Variants in AMZ1 observed in about 807,000 individuals in gnomAD.
AMZ1 encodes the protein archaelysin family metallopeptidase 1, also known as archaemetzincin-1.
A neutral mutation model predicts 29.9 loss-of-function variants in AMZ1; 39 were observed. The ratio of observed to expected loss-of-function variants is 1.30; its 90% CI spans 1.01 to 1.70. The LOEUF (loss-of-function observed/expected upper bound fraction) is 1.70. Among genes scored for constraint, AMZ1 ranks in the 40% most tolerant of loss-of-function variants. The pLI, the probability that AMZ1 is intolerant of heterozygous loss-of-function variation, is 0.00. For missense variants in AMZ1, 1,041 were observed against 680.6 expected, an observed-to-expected ratio of 1.53 and a Z score of -5.89; for synonymous variants, 458 against 304.0, an observed-to-expected ratio of 1.51 and a Z score of -5.27.
chr7:2,745,510 C>G (rs1268308303), intron 4 of AMZ1, among the ~76,000 whole-genome samples: 3 of 152,188 alleles, frequency 2.0e-5, no homozygotes, highest in African/African-American at 7.2e-5. Flanking sequence ...AAAAGAACTC[C>G]TGAAGGAAGT....
chr7:2,749,429 C>T (rs1050191780), intron 4 of AMZ1, among the ~76,000 whole-genome samples: 4 of 150,674 alleles, frequency 2.7e-5, no homozygotes, highest in African/African-American at 9.8e-5. Context: ...CCAAACACCC[C>T]ATGTTCTCAC....
At chr7:2,742,774 T>C (rs1416903798) in intron 4 of AMZ1, among the ~76,000 whole-genome samples, 1 of 152,252 alleles carries the variant, frequency 6.6e-6, no homozygotes, top group Non-Finnish European at 1.5e-5. Context: ...TTCTCAGGTA[T>C]GTAATCTTTT....
chr7:2,746,696 C>CA (rs1790778783), intron 4 of AMZ1, among the ~76,000 whole-genome samples: 1 of 151,878 alleles, frequency 6.6e-6, no homozygotes. Flanking sequence ...AATAGAGACA[C>CA]AAAAAACCCT....
At chr7:2,722,621 T>C (rs55776032), downstream of AMZ1, among the ~76,000 whole-genome samples, 16,216 of 152,292 alleles carry the variant, frequency 0.11, 1,000 homozygotes, top group Middle Eastern at 0.18. Context: ...CAAAAGGTAA[T>C]TTTTTGAGAT....
chr7:2,739,425 C>T (rs911437597), intron 4 of AMZ1, among the ~76,000 whole-genome samples: 7 of 152,114 alleles, frequency 4.6e-5, no homozygotes, highest in African/African-American at 1.7e-4. Context: ...GCGGCATTTC[C>T]GAGGCTCGCC....
At chr7:2,729,228 G>A (rs1789760901) in intron 4 of AMZ1, 1 of 152,378 alleles carries the variant, frequency 6.6e-6, no homozygotes, top group Admixed American at 6.5e-5. Context: ...CACAGCGAAA[G>A]CTGACCCAGA....
At chr7:2,764,331 T>C (rs1266307277), upstream of AMZ1, among the ~76,000 whole-genome samples, 2 of 151,446 alleles carry the variant, frequency 1.3e-5, no homozygotes, top group Non-Finnish European at 2.9e-5. Flanking sequence ...GATCCTCCCA[T>C]CTCAGCCTCC....
At position 2,715,585 on chromosome 7, in the gene AMZ1, A is replaced by G. The variant is rs1462557536; in HGVS notation, c.*2707A>G. ...GGGAAGGAGCAAACCACTAAAAAAAACTCCTTTTATCCGCAGCGTTTACCA... is the reference window on the plus strand; with the variant it reads ...GGGAAGGAGCAAACCACTAAAAAAAGCTCCTTTTATCCGCAGCGTTTACCA... On this transcript the variant is annotated 3_prime_UTR_variant, in exon 7 of 7. Coordinates refer to ENST00000683327, the MANE Select transcript of AMZ1 (RefSeq NM_001384743.1). 6.6e-6 allele frequency: 1 copy of G among 152,124 alleles called. No homozygotes were observed. The highest frequency in any genetic ancestry group is 1.9e-4 in the East Asian group (1 of 5,194). The allele number at this position is 152,124 out of a possible 1,614,324, so 9.4% of individuals were successfully genotyped here. A position where few individuals can be genotyped will look rare whatever the true frequency, so the allele number is the denominator to read the frequency against.
chr7:2,684,924 C>T (rs1310618898), upstream of AMZ1, among the ~76,000 whole-genome samples: 3 of 147,326 alleles, frequency 2.0e-5, no homozygotes, highest in Admixed American at 1.4e-4. Flanking sequence ...GGCTGGAGTG[C>T]AGTGGCGCGA....
chr7:2,680,304 G>A (rs1233237758), intron 1 of AMZ1, among the ~76,000 whole-genome samples: 1 of 152,112 alleles, frequency 6.6e-6, no homozygotes, highest in Non-Finnish European at 1.5e-5. Flanking sequence ...TCGGCTCTCT[G>A]GGGACCTGCC....
chr7:2,735,209 AG>A lies in AMZ1; in HGVS notation n.550+25394del, dbSNP rs528210967. ...CCTGGGCCTCGGGAGGTGCCACGCAAGCCCAAGAAGCATCAGCATACTGTCC... is the reference window on the plus strand; with the variant it reads ...CCTGGGCCTCGGGAGGTGCCACGCAACCCAAGAAGCATCAGCATACTGTCC... On this transcript the variant is annotated intron_variant and non_coding_transcript_variant, in intron 4 of 4. Coordinates refer to the AMZ1 transcript ENST00000489665. 3.4e-3 allele frequency among the ~76,000 whole-genome samples: 521 copies of A among 152,258 alleles called. 4 individuals are homozygous for A. The highest frequency in any genetic ancestry group is 4.9e-3 in the Non-Finnish European group (334 of 68,014).
At chr7:2,722,802 A>G (rs561837507), downstream of AMZ1, among the ~76,000 whole-genome samples, 7 of 152,202 alleles carry the variant, frequency 4.6e-5, no homozygotes, top group South Asian at 1.5e-3. Flanking sequence ...GTGAGACTCC[A>G]TCTCTATACA....
At position 2,758,480 on chromosome 7, in the gene AMZ1, G is replaced by A. The variant is rs1199765397; in HGVS notation, n.551-6232G>A. 5.3e-5 allele frequency among the ~76,000 whole-genome samples: 8 copies of A among 152,246 alleles called. No homozygotes were observed. In the East Asian group the frequency reaches 1.2e-3, roughly 22 times the overall value. On this transcript the variant is annotated intron_variant and non_coding_transcript_variant, in intron 4 of 4. Transcript: ENST00000489665. ...CGAGCCTCAATGACACACGCCCTGT[G>A]CAATTTCTTCCCCTGCAGCGTGGGA...
At chr7:2,763,882 G>C (rs996059224), upstream of AMZ1, among the ~76,000 whole-genome samples, 3 of 152,222 alleles carry the variant, frequency 2.0e-5, no homozygotes, top group Non-Finnish European at 4.4e-5. Flanking sequence ...GAGACGGAGA[G>C]AGAAGGAGCT....
chr7:2,734,170 C>T (rs1232778855), intron 4 of AMZ1, among the ~76,000 whole-genome samples: 1 of 152,326 alleles, frequency 6.6e-6, no homozygotes, highest in South Asian at 2.1e-4. Context: ...CGGAATCACC[C>T]AGGACCCCGT....
intron 4 of AMZ1, chr7:2,730,002 G>A (rs1036325434): frequency 2.0e-5 from 3 of 152,362 alleles, no homozygotes; most frequent in African/African-American, 7.2e-5. Flanking sequence ...ATAGAAGCGA[G>A]GGGCCTCGAT....
At chr7:2,707,330 G>T (rs1788418228) in intron 3 of AMZ1, among the ~76,000 whole-genome samples, 1 of 151,354 alleles carries the variant, frequency 6.6e-6, no homozygotes, top group African/African-American at 2.4e-5. Context: ...TTGTCAATCT[G>T]TTCCTTTTAA....
At chr7:2,737,379 C>G (rs1444905266) in intron 4 of AMZ1, among the ~76,000 whole-genome samples, 1 of 144,160 alleles carries the variant, frequency 6.9e-6, no homozygotes, top group Non-Finnish European at 1.5e-5. Flanking sequence ...ACCTCTGCCT[C>G]CTGGGTTCAA....
intron 4 of AMZ1, among the ~76,000 whole-genome samples, chr7:2,732,315 G>A (rs1258271462): frequency 6.6e-6 from 1 of 152,166 alleles, no homozygotes; most frequent in Non-Finnish European, 1.5e-5. Flanking sequence ...GCTTTGGGAA[G>A]TGGGAGGAAT....
Sources: allele counts gnomAD v4.1 joint callset (sites outside exome capture counted in the v4.1 genomes callset), GRCh38; gene constraint gnomAD v4.1.1; transcripts MANE v1.5; gene names NCBI Gene and HGNC (gene_info 2026-07-23, HGNC 2026-07-21).